Variants in ADGRE2 observed in about 807,000 individuals in gnomAD.
ADGRE2 encodes adhesion G protein-coupled receptor E2.
Under a neutral mutation model 100.8 loss-of-function variants are expected in ADGRE2, and 83 were observed. The observed-to-expected ratio is 0.82, with a 90% CI of 0.69 to 0.99. The LOEUF is 0.99. ADGRE2 is among the 50% of genes least tolerant of loss of function. The probability of loss-of-function intolerance (pLI) is 0.00; values close to 1 mark genes in which losing one functional copy is unlikely to be tolerated. For missense variants in ADGRE2, 814 were observed against 1,035.7 expected (o/e 0.79, Z 2.94); for synonymous variants, 355 against 413.0 (o/e 0.86, Z 1.70).
chr19:14,772,181 C>T (rs910923297), intron 5 of ADGRE2, 161 bp downstream of exon 5: 92 of 1,026,966 alleles, frequency 9.0e-5, no homozygotes, highest in Non-Finnish European at 8.6e-5. Flanking sequence ...ACCACGCTGC[C>T]TCTCTGGGCT....
At chr19:14,737,221 T>C (rs1321461468) in intron 20 of ADGRE2, among the ~76,000 whole-genome samples, 5 of 151,216 alleles carry the variant, frequency 3.3e-5, no homozygotes, top group African/African-American at 7.3e-5. Context: ...AGGGCCTTGC[T>C]CTGTCACCCA....
intron 20 of ADGRE2, among the ~76,000 whole-genome samples, chr19:14,738,722 T>C (rs2042833687): frequency 6.6e-6 from 1 of 152,150 alleles, no homozygotes; most frequent in Non-Finnish European, 1.5e-5. Context: ...ATATGAGTTA[T>C]TTATTCCTAG....
chr19:14,741,498 A>G, intron 20 of ADGRE2: 1 of 119,102 alleles, frequency 8.4e-6, no homozygotes, highest in East Asian at 2.4e-4. Context: ...TTTTTTTGAG[A>G]CAGAGTCTCG....
the ADGRE2 span, among the ~76,000 whole-genome samples, chr19:14,726,594 C>T: frequency 6.6e-6 from 1 of 152,170 alleles, no homozygotes; most frequent in African/African-American, 2.4e-5. Context: ...AGCAGCCGTG[C>T]CTCTCCTTGA....
At chr19:14,755,429 G>C (rs1188651377) in intron 13 of ADGRE2, among the ~76,000 whole-genome samples, 3 of 152,110 alleles carry the variant, frequency 2.0e-5, no homozygotes, top group Non-Finnish European at 4.4e-5. Flanking sequence ...CTCCAGCCTG[G>C]CTGACACAGC....
chr19:14,762,424 T>C (rs2043759512), intron 11 of ADGRE2, among the ~76,000 whole-genome samples: 1 of 152,068 alleles, frequency 6.6e-6, no homozygotes, highest in Admixed American at 6.6e-5. Flanking sequence ...ATGTGAGATA[T>C]CCTGATTAGG....
intron 20 of ADGRE2, among the ~76,000 whole-genome samples, chr19:14,742,249 C>G (rs8102226): frequency 6.6e-6 from 1 of 152,062 alleles, no homozygotes; most frequent in Admixed American, 6.6e-5. Context: ...GTATTATTTT[C>G]TAGAGAAGAG....
Position 14,746,927 on chromosome 19 carries a change from CCCCATATAAAT to C in ADGRE2, c.2049_2059del (p.Phe684LeufsTer32). 4 of 1,613,614 alleles carry C rather than the reference CCCCATATAAAT, an allele frequency of 2.5e-6. No individual in the cohort carries two copies. Among genetic ancestry groups the C allele is most frequent in the Middle Eastern group, 1.7e-4 (1 of 6,058 alleles). On this transcript the variant is annotated frameshift_variant, in exon 17 of 21. Transcript: ENST00000315576. LOFTEE classifies it high-confidence loss of function. ...GATGGCGCAGACAGGTCCAAGGAAGCCCCATATAAATCCCTTTTCTGGTTGGAGCCAGCAGC... is the reference window on the plus strand; with the variant it reads ...GATGGCGCAGACAGGTCCAAGGAAGCCCCTTTTCTGGTTGGAGCCAGCAGC...
chr19:14,765,998 A>G, intron 7 of ADGRE2, 194 bp from the exon 8 acceptor site: 2 of 793,936 alleles, frequency 2.5e-6, no homozygotes, highest in Non-Finnish European at 4.0e-6. Flanking sequence ...AATATGGTGA[A>G]ACGCCTTCCT....
intron 5 of ADGRE2, among the ~76,000 whole-genome samples, chr19:14,768,125 T>C (rs1408288934): frequency 6.6e-6 from 1 of 152,210 alleles, no homozygotes; most frequent in Non-Finnish European, 1.5e-5. Flanking sequence ...CTGGCTGAGT[T>C]ATCAGAATCC....
intron 18 of ADGRE2, among the ~76,000 whole-genome samples, chr19:14,744,229 G>A (rs1473822368): frequency 1.4e-5 from 2 of 142,936 alleles, no homozygotes; most frequent in Non-Finnish European, 3.0e-5. Context: ...GGGAGTGACA[G>A]AGCGAGACTC....
intron 6 of ADGRE2, among the ~76,000 whole-genome samples, 170 bp downstream of exon 6, chr19:14,766,808 G>A (rs1033061014): frequency 7.2e-5 from 11 of 152,222 alleles, no homozygotes; most frequent in South Asian, 4.1e-4. Context: ...CCTCCCTGCC[G>A]TGTGGCGAGT....
chr19:14,725,538 A>T, the ADGRE2 span, among the ~76,000 whole-genome samples: 1 of 152,228 alleles, frequency 6.6e-6, no homozygotes, highest in Non-Finnish European at 1.5e-5. Flanking sequence ...TGAGCCTGTG[A>T]AATCAAAGAC....
chr19:14,775,011 AT>A (rs143354703), intron 2 of ADGRE2, among the ~76,000 whole-genome samples: 73,273 of 148,972 alleles, frequency 0.49, 18,611 homozygotes, highest in Middle Eastern at 0.6. Context: ...TTTATTATTT[AT>A]TTTTTTTTGA....
intron 5 of ADGRE2, chr19:14,768,907 TG>T (rs1158064980): frequency 1.3e-5 from 2 of 152,356 alleles, no homozygotes; most frequent in Non-Finnish European, 2.9e-5. Context: ...CCTTCATTTC[TG>T]GACAGGGTGC....
rs1038185791 is a variant in ADGRE2, at chr19:14,778,244, GA to G, written c.-172+12del. On this transcript the variant is annotated intron_variant, in intron 1 of 20. Coordinates refer to ENST00000315576, the MANE Select transcript of ADGRE2 (RefSeq NM_013447.4). Reference sequence around the variant, plus strand: ...TGGCAAAGCTCTGTTTCTTCAAAAAGAAAAAAAATTACCTGGGCTTGGTGGC... The same window carrying G: ...TGGCAAAGCTCTGTTTCTTCAAAAAGAAAAAAATTACCTGGGCTTGGTGGC... 1 of 152,090 alleles carries G rather than the reference GA, an allele frequency of 6.6e-6. No individual in the cohort carries two copies. Among genetic ancestry groups the G allele is most frequent in the Non-Finnish European group, 1.5e-5 (1 of 68,068 alleles). The allele number at this position is 152,090 out of a possible 1,614,324, so 9.4% of individuals were successfully genotyped here. A position where few individuals can be genotyped will look rare whatever the true frequency, so the allele number is the denominator to read the frequency against.
chr19:14,775,860 G>GAAAAAAA (rs3057586), intron 2 of ADGRE2, among the ~76,000 whole-genome samples: 19 of 107,890 alleles, frequency 1.8e-4, no homozygotes, highest in South Asian at 6.4e-4. Flanking sequence ...CTCCGCCTCA[G>GAAAAAAA]AAAAAAAAAA....
At chr19:14,748,628 T>C (rs557400261) in intron 16 of ADGRE2, among the ~76,000 whole-genome samples, 1 of 152,342 alleles carries the variant, frequency 6.6e-6, no homozygotes, top group East Asian at 1.9e-4. Flanking sequence ...TCTTTATGGC[T>C]GCATCATGTA....
chr19:14,751,874 T>TATAC (rs1257653651), intron 15 of ADGRE2, among the ~76,000 whole-genome samples: 1 of 149,806 alleles, frequency 6.7e-6, no homozygotes. Flanking sequence ...TATATATATA[T>TATAC]ACGTGTATAT....
Sources: gnomAD v4.1 joint callset for allele counts (sites outside exome capture counted in the v4.1 genomes callset) on GRCh38, gnomAD v4.1.1 for gene constraint, MANE v1.5 for transcripts, NCBI Gene and HGNC (gene_info 2026-07-23, HGNC 2026-07-21) for gene names.